The following CABIN1 variants were observed in gnomAD, a reference collection of about 807,000 sequenced individuals.
CABIN1 encodes the protein calcineurin binding protein 1.
In CABIN1, 133 loss-of-function variants were observed where a neutral mutation model predicts 227.7. The ratio of observed to expected loss-of-function variants is 0.58; its 90% CI spans 0.51 to 0.67. The LOEUF is 0.67. Among genes scored for constraint, CABIN1 ranks in the 30% least tolerant of loss-of-function variants. CABIN1 has a pLI of 0.00. For missense variants in CABIN1, 2,408 were observed against 2,852.5 expected (o/e 0.84, Z 3.55); for synonymous variants, 1,086 against 1,155.1 (o/e 0.94, Z 1.21).
At chr22:24,103,413 G>A (rs1013471942) in intron 26 of CABIN1, 1 of 152,228 alleles carries the variant, frequency 6.6e-6, no homozygotes, top group Admixed American at 6.5e-5. Context: ...ATTGTGCACA[G>A]TAGCCTTGAT....
chr22:24,046,113 T>C (rs989661681), intron 6 of CABIN1, among the ~76,000 whole-genome samples: 1 of 152,052 alleles, frequency 6.6e-6, no homozygotes, highest in African/African-American at 2.4e-5. Context: ...TTTCCCTAGG[T>C]AGAGTCAGGA....
chr22:24,164,559 G>T lies in CABIN1; in HGVS notation c.4906G>T (p.Gly1636Cys), dbSNP rs755238567. 2 of 1,603,830 alleles carry T rather than the reference G, an allele frequency of 1.2e-6. No individual in the cohort carries two copies. Among genetic ancestry groups the T allele is most frequent in the Non-Finnish European group, 1.7e-6 (2 of 1,179,904 alleles). ...CATGCTTCAGCGGACCCCAGACCAG[G>T]GCAAGTGAGTGCAGCCACCCTGGAC... ...SSMLQRTPDQ[G>C]KKYLRDADRQ... The change falls in exon 30 of 37, where the codon GGC (glycine) becomes TGC (cysteine). Residue 1636 changes from glycine to cysteine, a missense_variant. Gly to Cys is a radical substitution (Grantham distance 159). Around this residue, in one of 3 missense-constraint regions of CABIN1, gnomAD observed 649 missense variants for 910.3 expected, o/e 0.71. Transcript: ENST00000263119.
chr22:24,113,415 G>T, intron 26 of CABIN1, 151 bp from the exon 27 acceptor site: 1 of 778,888 alleles, frequency 1.3e-6, no homozygotes, highest in Non-Finnish European at 2.3e-6. Flanking sequence ...GGGATGGGTT[G>T]GGCCCAGCAG....
intron 29 of CABIN1, among the ~76,000 whole-genome samples, chr22:24,139,013 C>T (rs1230760664): frequency 6.6e-6 from 1 of 152,128 alleles, no homozygotes; most frequent in East Asian, 1.9e-4. Flanking sequence ...GAGAGATTCT[C>T]TTTACAGTAA....
rs767194634 is a variant in CABIN1, at chr22:24,087,677, G to A, written c.3489G>A (p.Gln1163=). Residue 1163 remains glutamine (Q), a synonymous_variant, in exon 23 of 37, where the codon CAG becomes CAA. Coordinates refer to ENST00000263119, the MANE Select transcript of CABIN1 (RefSeq NM_012295.4). ...LHSFASRQLK[Q]WRGELPPELV... is the part of the protein sequence containing the mutation. Reference sequence around the variant, plus strand: ...CATTCGCCTCACGTCAATTGAAGCAGTGGAGAGGCGAGCTGCCCCCTGAGC... The same window carrying A: ...CATTCGCCTCACGTCAATTGAAGCAATGGAGAGGCGAGCTGCCCCCTGAGC... 1 of 1,614,138 alleles carries A rather than the reference G, an allele frequency of 6.2e-7. No individual in the cohort carries two copies. Among genetic ancestry groups the A allele is most frequent in the Admixed American group, 1.7e-5 (1 of 60,028 alleles).
At chr22:24,144,925 G>A (rs1406747545) in intron 29 of CABIN1, among the ~76,000 whole-genome samples, 6 of 152,192 alleles carry the variant, frequency 3.9e-5, no homozygotes. Context: ...TTGGAGACAG[G>A]CCTGCCCCTC....
At chr22:24,113,535 T>C (rs1455672999) in intron 26 of CABIN1, 31 bp from the exon 27 acceptor site, 8 of 1,607,698 alleles carry the variant, frequency 5.0e-6, no homozygotes, top group African/African-American at 1.3e-5. Flanking sequence ...AGGTTAATGC[T>C]CTCGCCCTCT....
Position 24,178,370 on chromosome 22 carries a change from T to C in CABIN1, c.*174T>C. The C allele has an allele frequency of 2.6e-6, 2 of 764,538 alleles. No individual in the cohort carries two copies. The highest frequency in any genetic ancestry group is 4.2e-6 in the Non-Finnish European group (2 of 480,590). The allele number at this position is 764,538 out of a possible 1,614,324, so 47.4% of individuals were successfully genotyped here. A position where few individuals can be genotyped will look rare whatever the true frequency, so the allele number is the denominator to read the frequency against. On this transcript the variant is annotated 3_prime_UTR_variant, in exon 37 of 37. Transcript: ENST00000263119. The stretch of plus-strand genomic sequence containing the variant: ...TCCTCCCTGTACCCAGGTCAGGCTG[T>C]CCACACCACATGGGAGCCCAGAGGA...
intron 18 of CABIN1, 27 bp from the exon 19 acceptor site, chr22:24,076,140 CTG>C: frequency 1.3e-6 from 2 of 1,575,586 alleles, no homozygotes; most frequent in South Asian, 1.1e-5. Context: ...CACACTAACT[CTG>C]TGTCTGTCGG....
chr22:24,078,421 C>G (rs764360426), intron 19 of CABIN1, among the ~76,000 whole-genome samples: 1 of 152,230 alleles, frequency 6.6e-6, no homozygotes, highest in Non-Finnish European at 1.5e-5. Context: ...TGCTTCATTA[C>G]TACCTCTTCT....
chr22:24,053,686 C>G (rs1380100982), intron 8 of CABIN1, among the ~76,000 whole-genome samples: 1 of 152,150 alleles, frequency 6.6e-6, no homozygotes, highest in Non-Finnish European at 1.5e-5. Flanking sequence ...GCCTGAAGCA[C>G]TGTTCTTTTA....
chr22:24,176,927 G>A (rs912162941), intron 35 of CABIN1, among the ~76,000 whole-genome samples: 2 of 152,242 alleles, frequency 1.3e-5, no homozygotes, highest in Non-Finnish European at 2.9e-5. Flanking sequence ...GGCTGCAGAG[G>A]AATGTGGAGA....
At chr22:24,125,000 AAG>A (rs1244417301) in intron 28 of CABIN1, among the ~76,000 whole-genome samples, 1 of 152,314 alleles carries the variant, frequency 6.6e-6, no homozygotes, top group South Asian at 2.1e-4. Flanking sequence ...TAGCCTTAAA[AAG>A]GGGGGAAATT....
rs753195117 is a variant in CABIN1, at chr22:24,098,007, C to G, written c.3939-7C>G. 6.2e-6 allele frequency: 10 copies of G among 1,614,032 alleles called. No individual in the cohort carries two copies. The highest frequency in any genetic ancestry group is 2.5e-6 in the Non-Finnish European group (3 of 1,180,012). On this transcript the variant is annotated splice_region_variant and splice_polypyrimidine_tract_variant and intron_variant, in intron 25 of 36. Transcript: ENST00000263119. ...CTGACCTGTGCCCCAAACCTCTGTT[C>G]CCACAGGGAGAAGGCCTGCCTGGTG...
At chr22:24,138,564 T>G in intron 29 of CABIN1, among the ~76,000 whole-genome samples, 1 of 152,186 alleles carries the variant, frequency 6.6e-6, no homozygotes, top group Non-Finnish European at 1.5e-5. Flanking sequence ...TACAACCCCC[T>G]TTGGGTTTAA....
intron 10 of CABIN1, among the ~76,000 whole-genome samples, chr22:24,057,040 C>T (rs977546119): frequency 1.3e-5 from 2 of 152,070 alleles, no homozygotes; most frequent in Admixed American, 6.6e-5. Context: ...GGGTTCATGC[C>T]ATTCTCCTGC....
chr22:24,168,485 C>T lies in CABIN1; in HGVS notation c.5721C>T (p.Phe1907=). The change falls in exon 33 of 37, where the codon TTC becomes TTT. Residue 1907 remains phenylalanine, a synonymous_variant. Coordinates refer to ENST00000263119, the MANE Select transcript of CABIN1 (RefSeq NM_012295.4). Reference sequence around the variant, plus strand: ...CTGCGCTGGAGCAGGCTGTGAAGTTCTGCCAGGTCCATCTTGGGGCTGCCG... The same window carrying T: ...CTGCGCTGGAGCAGGCTGTGAAGTTTTGCCAGGTCCATCTTGGGGCTGCCG... ...EEAALEQAVK[F]CQVHLGAAAQ... 1 of 1,569,016 alleles carries T rather than the reference C, an allele frequency of 6.4e-7. No individual in the cohort carries two copies. The highest frequency in any genetic ancestry group is 8.6e-7 in the Non-Finnish European group (1 of 1,156,684).
At chr22:24,104,193 T>C (rs1426007390) in intron 26 of CABIN1, among the ~76,000 whole-genome samples, 4 of 152,036 alleles carry the variant, frequency 2.6e-5, no homozygotes, top group African/African-American at 9.7e-5. Context: ...GGCACAATTT[T>C]CCCCCCATCA....
intron 13 of CABIN1, 69 bp from the exon 14 acceptor site, chr22:24,062,890 A>G: frequency 2.0e-6 from 3 of 1,517,328 alleles, no homozygotes; most frequent in Non-Finnish European, 1.8e-6. Context: ...GCCAAGTGCA[A>G]CTTCTGAGAA....
Sources: allele counts gnomAD v4.1 joint callset (sites outside exome capture counted in the v4.1 genomes callset), GRCh38; gene constraint gnomAD v4.1.1; regional missense constraint gnomAD v4.1.1; transcripts MANE v1.5; gene names NCBI Gene and HGNC (gene_info 2026-07-23, HGNC 2026-07-21).